Variants in ME3 observed in about 807,000 individuals in gnomAD.
ME3 encodes malic enzyme 3.
Under a neutral mutation model 68.9 loss-of-function variants are expected in ME3, and 48 were observed. The ratio of observed to expected loss-of-function variants is 0.70; its 90% confidence interval spans 0.55 to 0.89. The LOEUF (loss-of-function observed/expected upper bound fraction) is 0.89. Among genes scored for constraint, ME3 ranks in the 40% least tolerant of loss-of-function variants. ME3 has a pLI of 0.00. For missense variants in ME3, 675 were observed against 797.4 expected (o/e 0.85, Z 1.85); for synonymous variants, 320 against 318.8 (o/e 1.00, Z -0.04).
chr11:86,527,013 G>C (rs927758010), intron 4 of ME3, among the ~76,000 whole-genome samples: 2 of 152,242 alleles, frequency 1.3e-5, no homozygotes, highest in Non-Finnish European at 2.9e-5. Context: ...AAGCTGGACA[G>C]AGAATGACTT....
chr11:86,610,371 C>T (rs770798749), intron 2 of ME3, among the ~76,000 whole-genome samples: 11 of 151,996 alleles, frequency 7.2e-5, no homozygotes, highest in Non-Finnish European at 1.2e-4. Flanking sequence ...TACCTTGAGA[C>T]CTCAAAGGAA....
intron 6 of ME3, among the ~76,000 whole-genome samples, chr11:86,495,210 C>T (rs542477219): frequency 3.9e-5 from 6 of 152,230 alleles, no homozygotes; most frequent in Non-Finnish European, 5.9e-5. Flanking sequence ...GTTTCCTATG[C>T]TGTAAAAAAG....
rs554520291 is a variant in ME3 at position 86,465,131 on chromosome 11, T to C, written c.879A>G (p.Lys293=). Residue 293 remains lysine, a synonymous_variant, in exon 8 of 15, where the codon AAA becomes AAG. Coordinates refer to ENST00000543262, the Ensembl canonical transcript of ME3. ...TGAACATGCAGTACTTGTTACGGTA[T>C]TTGTTGAGCAGGCGGAAGGCATTGG... 5 of 1,613,822 alleles carry C rather than the reference T, an allele frequency of 3.1e-6. No individual in the cohort carries two copies. In the East Asian group the frequency reaches 1.1e-4, roughly 36 times the overall value.
At chr11:86,521,114 G>A (rs1954242854) in intron 4 of ME3, among the ~76,000 whole-genome samples, 1 of 152,222 alleles carries the variant, frequency 6.6e-6, no homozygotes, top group East Asian at 1.9e-4. Context: ...CTGTGGCCGG[G>A]TGTAGTGGCT....
intron 2 of ME3, among the ~76,000 whole-genome samples, chr11:86,641,549 C>A (rs1457705460): frequency 6.6e-6 from 1 of 152,134 alleles, no homozygotes; most frequent in Admixed American, 6.5e-5. Context: ...AAAATTTGTT[C>A]TTTTGAAGAG....
chr11:86,475,316 A>G (rs529213178), intron 7 of ME3, among the ~76,000 whole-genome samples: 3 of 152,134 alleles, frequency 2.0e-5, no homozygotes, highest in Non-Finnish European at 4.4e-5. Context: ...TGTTTTCACC[A>G]TGTGATATAC....
rs35429348 is a variant in ME3, at chr11:86,564,462, GAA to G, written c.184-4641_184-4640del. The stretch of plus-strand genomic sequence containing the variant: ...TTTGAAACTTACTACAAAGCTACAG[GAA>G]AAAAAAAAAAAACAGTGTGGGACTG... On this transcript the variant is annotated intron_variant, in intron 2 of 14. Transcript: ENST00000543262. Among the ~76,000 whole-genome samples the G allele has an allele frequency of 2.2e-4, 23 of 106,530 alleles. No homozygotes were observed. In the East Asian group the frequency reaches 2.7e-3, roughly 13 times the overall value. 69.9% of individuals were successfully genotyped at this position (106,530 alleles called of 152,430 possible). A position where few individuals can be genotyped will look rare whatever the true frequency, so the allele number is the denominator to read the frequency against.
intron 4 of ME3, among the ~76,000 whole-genome samples, chr11:86,534,344 T>C (rs531521736): frequency 6.6e-6 from 1 of 152,162 alleles, no homozygotes; most frequent in African/African-American, 2.4e-5. Context: ...TTATACACTT[T>C]TAAGTTAATT....
At chr11:86,611,182 G>A (rs1277490057) in intron 2 of ME3, among the ~76,000 whole-genome samples, 1 of 152,152 alleles carries the variant, frequency 6.6e-6, no homozygotes, top group Non-Finnish European at 1.5e-5. Flanking sequence ...GTTACTTGAG[G>A]AATATAAACA....
chr11:86,603,076 AC>A (rs1193916886), intron 2 of ME3, among the ~76,000 whole-genome samples: 1 of 152,278 alleles, frequency 6.6e-6, no homozygotes, highest in African/African-American at 2.4e-5. Flanking sequence ...AGCAATGGCA[AC>A]AAAAGCTAAA....
intron 3 of ME3, 101 bp from the exon 4 acceptor site, chr11:86,556,803 C>T: frequency 7.6e-7 from 1 of 1,321,940 alleles, no homozygotes; most frequent in Admixed American, 2.0e-5. Context: ...TCCTGCTCAG[C>T]CCGGAACATT....
chr11:86,625,491 G>A (rs568341367), intron 2 of ME3, among the ~76,000 whole-genome samples: 6 of 152,242 alleles, frequency 3.9e-5, no homozygotes, highest in African/African-American at 1.4e-4. Flanking sequence ...GGGAGAATAT[G>A]GGCTCTGGAG....
chr11:86,580,253 A>T (rs1958361377), intron 2 of ME3, among the ~76,000 whole-genome samples: 1 of 152,202 alleles, frequency 6.6e-6, no homozygotes, highest in Admixed American at 6.5e-5. Context: ...GTTGATGTTC[A>T]CAGAGACCTG....
chr11:86,661,354 G>A (rs572494210), intron 2 of ME3, among the ~76,000 whole-genome samples: 1 of 152,366 alleles, frequency 6.6e-6, no homozygotes, highest in East Asian at 1.9e-4. Flanking sequence ...AGTGGATCCG[G>A]TATGGATGGG....
At chr11:86,477,693 T>C (rs1375356635) in intron 7 of ME3, among the ~76,000 whole-genome samples, 1 of 151,996 alleles carries the variant, frequency 6.6e-6, no homozygotes, top group African/African-American at 2.4e-5. Flanking sequence ...CCCGAGGCAG[T>C]GAGTTTCTTC....
At chr11:86,613,464 G>A (rs937392678) in intron 2 of ME3, among the ~76,000 whole-genome samples, 3 of 152,112 alleles carry the variant, frequency 2.0e-5, no homozygotes, top group East Asian at 3.8e-4. Flanking sequence ...TGGAAGTTCC[G>A]ACCAGGGCAT....
At chr11:86,481,712 A>T (rs1253903675) in intron 7 of ME3, among the ~76,000 whole-genome samples, 2 of 152,198 alleles carry the variant, frequency 1.3e-5, no homozygotes, top group Non-Finnish European at 2.9e-5. Context: ...GAACACCTGG[A>T]GAAAAATAAC....
chr11:86,551,804 C>T (rs1167413325), intron 4 of ME3, among the ~76,000 whole-genome samples: 1 of 152,204 alleles, frequency 6.6e-6, no homozygotes, highest in Non-Finnish European at 1.5e-5. Context: ...GGGCCAAGGG[C>T]TGCTGGCTTT....
At chr11:86,638,792 C>T (rs1403316074) in intron 2 of ME3, among the ~76,000 whole-genome samples, 2 of 152,212 alleles carry the variant, frequency 1.3e-5, no homozygotes. Context: ...AAGTAACCTT[C>T]CCAAGATCAC....
Sources: allele counts gnomAD v4.1 joint callset (sites outside exome capture counted in the v4.1 genomes callset), GRCh38; gene constraint gnomAD v4.1.1; transcripts MANE v1.5; gene names NCBI Gene and HGNC (gene_info 2026-07-23, HGNC 2026-07-21).